ZNF880: variants seen among roughly 807,000 people sequenced by gnomAD.
The protein encoded by ZNF880 is zinc finger protein 880, also known as zinc finger protein LOC400713.
In ZNF880, 12 loss-of-function variants were observed where a neutral mutation model predicts 11.8. The observed-to-expected ratio is 1.02, with a 90% CI of 0.65 to 1.65. The LOEUF is 1.65. Ranked by LOEUF, ZNF880 falls within the 40% of genes most tolerant of loss-of-function variation. The probability of loss-of-function intolerance (pLI) is 0.00; values close to 1 mark genes in which losing one functional copy is unlikely to be tolerated. For missense variants in ZNF880, 601 were observed against 673.9 expected (o/e 0.89, Z 1.20); for synonymous variants, 210 against 232.4 (o/e 0.90, Z 0.88).
At chr19:52,367,443 G>A (rs1390540134), upstream of ZNF880, 2 of 152,102 alleles carry the variant, frequency 1.3e-5, no homozygotes, top group Non-Finnish European at 2.9e-5. Flanking sequence ...ATTTTTCTTA[G>A]TGTGAATGAA....
At chr19:52,377,413 G>A (rs142316902) in intron 3 of ZNF880, among the ~76,000 whole-genome samples, 145 of 152,192 alleles carry the variant, frequency 9.5e-4, no homozygotes, top group African/African-American at 3.1e-3. Flanking sequence ...GGATTTCTAC[G>A]CACCAACAAC....
At chr19:52,394,546 C>T in the ZNF880 span, among the ~76,000 whole-genome samples, 14,073 of 151,766 alleles carry the variant, frequency 0.093, 1,025 homozygotes, top group African/African-American at 0.18. Flanking sequence ...ATGAAATATA[C>T]GATATTTTTG....
downstream of ZNF880, chr19:52,390,057 C>T (rs951986325): frequency 1.2e-4 from 19 of 156,076 alleles, no homozygotes; most frequent in East Asian, 1.9e-4. Flanking sequence ...TCTGTTCTCA[C>T]GCTGCTAATA....
intron 3 of ZNF880, among the ~76,000 whole-genome samples, chr19:52,376,794 G>C (rs1600248480): frequency 6.6e-6 from 1 of 152,154 alleles, no homozygotes; most frequent in Admixed American, 6.6e-5. Context: ...ATAGGGGTGA[G>C]AGACTGTGCC....
At chr19:52,395,930 GTC>G in the ZNF880 span, among the ~76,000 whole-genome samples, 1 of 152,160 alleles carries the variant, frequency 6.6e-6, no homozygotes, top group Non-Finnish European at 1.5e-5. Context: ...CTGTCCTGCA[GTC>G]TCTCCGCCAA....
At chr19:52,372,993 GCTAAAAAAATAC>G in intron 1 of ZNF880, 106 bp from the exon 2 acceptor site, 1 of 904,730 alleles carries the variant, frequency 1.1e-6, no homozygotes, top group Non-Finnish European at 1.7e-6. Context: ...CATATAACTA[GCTAAAAAAATAC>G]CTTAACGTGG....
chr19:52,384,440 A>T lies in ZNF880; in HGVS notation c.860A>T (p.His287Leu), dbSNP rs768948786. 5.6e-6 allele frequency: 9 copies of T among 1,614,072 alleles called. No homozygotes were observed. Among genetic ancestry groups the T allele is most frequent in the Non-Finnish European group, 7.6e-6 (9 of 1,180,036 alleles). The change falls in exon 4 of 4, where the codon CAC becomes CTC. Residue 287 changes from histidine to leucine, a missense_variant. His to Leu is a moderately conservative substitution (Grantham distance 99). Around this residue, in one of 3 missense-constraint regions of ZNF880, gnomAD observed 420 missense variants for 442.6 expected, o/e 0.95. Transcript: ENST00000422689. ...FTQNSHLANHHRIHTGEKPYK... is the reference protein window; with the variant it reads ...FTQNSHLANHLRIHTGEKPYK... ...CAAAATTCTCACCTTGCAAATCATC[A>T]CAGAATCCACACTGGAGAGAAACCT...
chr19:52,393,835 CTTTT>C, the ZNF880 span, among the ~76,000 whole-genome samples: 43 of 109,152 alleles, frequency 3.9e-4, no homozygotes, highest in African/African-American at 1.0e-3. Context: ...TGCCCCCCCC[CTTTT>C]TTTTTTTTTT....
rs756685460 is a variant in ZNF880, at chr19:52,384,482, G to A, written c.902G>A (p.Cys301Tyr). ...GAGAAACCTTACAAATGTAATGAGT[G>A]TGGCAAGGTCTTCAACAGAAATGCA... ...TGEKPYKCNE[C>Y]GKVFNRNAHL... The change falls in exon 4 of 4, where the codon TGT becomes TAT. Residue 301 changes from cysteine (C) to tyrosine (Y), a missense_variant. By Grantham distance (194) the Cys-to-Tyr change is radical (BLOSUM62 -2). Transcript: ENST00000422689. The A allele has an allele frequency of 5.0e-6, 8 of 1,614,020 alleles. No homozygotes were observed. In the African/African-American group the frequency reaches 8.0e-5, roughly 16 times the overall value.
At chr19:52,388,883 C>G (rs1357566230), downstream of ZNF880, 1 of 152,210 alleles carries the variant, frequency 6.6e-6, no homozygotes, top group Non-Finnish European at 1.5e-5. Context: ...TTTCACACGG[C>G]TAGAGAGACC....
chr19:52,385,258 A>T lies in ZNF880; in HGVS notation c.1678A>T (p.Asn560Tyr). The stretch of plus-strand genomic sequence containing the variant: ...TGAATGTGGTAAGGACTTCACTCGA[A>T]ATTCAAACCTGGCAAATCATCACAG... Reference protein sequence around the residue: ...CHECGKDFTRNSNLANHHRIH... With the variant: ...CHECGKDFTRYSNLANHHRIH... The change falls in exon 4 of 4, where the codon AAT (asparagine) becomes TAT (tyrosine). Residue 560 changes from asparagine to tyrosine, a missense_variant. By Grantham distance (143) the Asn-to-Tyr change is moderately radical. Transcript: ENST00000422689. The T allele has an allele frequency of 6.4e-7, 1 of 1,551,992 alleles. No homozygotes were observed. Among genetic ancestry groups the T allele is most frequent in the Non-Finnish European group, 8.7e-7 (1 of 1,147,158 alleles).
intron 2 of ZNF880, among the ~76,000 whole-genome samples, chr19:52,373,666 G>GT (rs1986460854): frequency 8.2e-6 from 1 of 121,452 alleles, no homozygotes; most frequent in Non-Finnish European, 1.6e-5. Context: ...GTGAAATACT[G>GT]TAATTTTTTT....
rs775220661 is a variant in ZNF880 at position 52,384,667 on chromosome 19, C to T, written c.1087C>T (p.Arg363Ter). ...TAATAAATGTGGCAAGGTCTTCAAT[C>T]GAAATGCACACCTTACCAGACATCA... is the stretch of plus-strand genomic sequence containing the variant. ...KCNKCGKVFNRNAHLTRHQRI... is the reference protein window; with the variant it reads ...KCNKCGKVFN The change falls in exon 4 of 4, where the codon CGA becomes TGA. Residue 363 changes from arginine to a stop codon, truncating the protein, a stop_gained. Coordinates refer to ENST00000422689, the MANE Select transcript of ZNF880 (RefSeq NM_001145434.2). LOFTEE classifies it low-confidence loss of function (END_TRUNC). 6.2e-6 allele frequency: 10 copies of T among 1,610,720 alleles called. No individual in the cohort carries two copies. The African/African-American group carries it at 6.7e-5, about 11-fold the overall frequency.
intron 1 of ZNF880, among the ~76,000 whole-genome samples, chr19:52,371,649 T>C (rs1432151652): frequency 2.0e-5 from 3 of 152,118 alleles, no homozygotes; most frequent in Admixed American, 6.5e-5. Flanking sequence ...GTGCTGGGAT[T>C]GCAGGCATGA....
chr19:52,389,518 G>A (rs36009530), downstream of ZNF880: 10,626 of 152,266 alleles, frequency 0.07, 430 homozygotes, highest in South Asian at 0.11. Flanking sequence ...GTTGGTTCCA[G>A]TGGTCTTGCA....
At chr19:52,381,426 T>G (rs570717500) in intron 3 of ZNF880, among the ~76,000 whole-genome samples, 15 of 152,346 alleles carry the variant, frequency 9.8e-5, no homozygotes, top group African/African-American at 3.1e-4. Context: ...GGTTCCTGTT[T>G]GCATGGAAAA....
At chr19:52,380,976 C>A (rs1986691269) in intron 3 of ZNF880, among the ~76,000 whole-genome samples, 1 of 152,192 alleles carries the variant, frequency 6.6e-6, no homozygotes, top group Non-Finnish European at 1.5e-5. Context: ...CTGCTCCCAA[C>A]CAGAATCGTC....
chr19:52,391,897 C>G, the ZNF880 span, among the ~76,000 whole-genome samples: 12 of 152,136 alleles, frequency 7.9e-5, no homozygotes, highest in South Asian at 2.1e-4. Context: ...ACAATCAACA[C>G]AATAGTGAAT....
downstream of ZNF880, among the ~76,000 whole-genome samples, chr19:52,387,869 A>C (rs1986928954): frequency 7.3e-6 from 1 of 136,340 alleles, no homozygotes; most frequent in Non-Finnish European, 1.6e-5. Flanking sequence ...CAGTGACGTA[A>C]GTGGAAAATA....
Sources: gnomAD v4.1 joint callset for allele counts (sites outside exome capture counted in the v4.1 genomes callset) on GRCh38, gnomAD v4.1.1 for gene constraint, gnomAD v4.1.1 regional missense constraint, MANE v1.5 for transcripts, NCBI Gene and HGNC (gene_info 2026-07-23, HGNC 2026-07-21) for gene names.